ZC3H12C: variants seen among roughly 807,000 people sequenced by gnomAD.
ZC3H12C encodes the protein probable ribonuclease ZC3H12C.
A neutral mutation model predicts 76.3 loss-of-function variants in ZC3H12C; 20 were observed. The observed-to-expected ratio is 0.26, with a 90% CI of 0.18 to 0.38. The LOEUF is 0.38. Among genes scored for constraint, ZC3H12C ranks in the 10% least tolerant of loss-of-function variants. The probability of loss-of-function intolerance (pLI) is 1.00; values close to 1 mark genes in which losing one functional copy is unlikely to be tolerated. For synonymous variants in ZC3H12C, 352 were observed against 399.6 expected (o/e 0.88, Z 1.42); for missense variants, 874 against 1,086.5 (o/e 0.80, Z 2.75).
At chr11:110,098,391 TA>T (rs1430185110) in intron 1 of ZC3H12C, among the ~76,000 whole-genome samples, 2 of 152,142 alleles carry the variant, frequency 1.3e-5, no homozygotes. Flanking sequence ...AAAAAGTTTA[TA>T]AAGTAAAAAA....
chr11:110,155,668 TTTTA>T (rs1203675746), intron 3 of ZC3H12C, among the ~76,000 whole-genome samples: 1 of 152,174 alleles, frequency 6.6e-6, no homozygotes, highest in Non-Finnish European at 1.5e-5. Flanking sequence ...AAAAGGCAGA[TTTTA>T]TTTTTGTGTG....
At chr11:110,155,730 C>T (rs952096342) in intron 3 of ZC3H12C, among the ~76,000 whole-genome samples, 1 of 151,886 alleles carries the variant, frequency 6.6e-6, no homozygotes, top group Non-Finnish European at 1.5e-5. Flanking sequence ...ACACATATAT[C>T]AACAGTGGAA....
intron 4 of ZC3H12C, among the ~76,000 whole-genome samples, chr11:110,160,798 A>G (rs1862465661): frequency 6.6e-6 from 1 of 152,206 alleles, no homozygotes; most frequent in Non-Finnish European, 1.5e-5. Context: ...TATAGTAACT[A>G]TATAAACCAG....
At chr11:110,109,033 G>A (rs1018816676) in intron 1 of ZC3H12C, among the ~76,000 whole-genome samples, 24 of 152,224 alleles carry the variant, frequency 1.6e-4, no homozygotes, top group African/African-American at 3.9e-4. Flanking sequence ...TGAATATACC[G>A]TATAATTTCT....
At chr11:110,094,731 A>C (rs780451162) in intron 1 of ZC3H12C, among the ~76,000 whole-genome samples, 4 of 152,190 alleles carry the variant, frequency 2.6e-5, no homozygotes, top group African/African-American at 9.7e-5. Flanking sequence ...GAAGATGCCT[A>C]TTTCGGACTT....
At chr11:110,107,931 G>A (rs1349647158) in intron 1 of ZC3H12C, among the ~76,000 whole-genome samples, 1 of 152,096 alleles carries the variant, frequency 6.6e-6, no homozygotes, top group Non-Finnish European at 1.5e-5. Context: ...CTAAAGTGCT[G>A]GGATTACAGG....
At chr11:110,121,503 T>C (rs1861649808) in intron 1 of ZC3H12C, among the ~76,000 whole-genome samples, 2 of 152,218 alleles carry the variant, frequency 1.3e-5, no homozygotes, top group Non-Finnish European at 2.9e-5. Context: ...ATGCCTAAAA[T>C]CTTACATCAC....
chr11:110,153,174 A>G, intron 3 of ZC3H12C, 116 bp downstream of exon 3: 1 of 1,292,268 alleles, frequency 7.7e-7, no homozygotes, highest in Non-Finnish European at 1.0e-6. Context: ...GCAGTGGGAC[A>G]CAAACGTTGT....
rs755867631 is a variant in ZC3H12C, at chr11:110,152,957, A to C, written c.812A>C (p.Lys271Thr). ...NKEVFSCRGI[K>T]LAVDWFLERG... The stretch of plus-strand genomic sequence containing the variant: ...GAAGTATTTTCCTGCAGAGGAATAA[A>C]ATTGGCAGTGGATTGGTTTTTGGAA... Residue 271 changes from lysine to threonine, a missense_variant, in exon 3 of 6, where the codon AAA becomes ACA. By Grantham distance (78) the Lys-to-Thr change is moderately conservative. Transcript: ENST00000278590. 1.2e-6 allele frequency: 2 copies of C among 1,612,730 alleles called. No individual in the cohort carries two copies. The highest frequency in any genetic ancestry group is 2.2e-5 in the South Asian group (2 of 90,650).
rs541985220 is a variant in ZC3H12C at position 110,137,938 on chromosome 11, A to G, written c.773+524A>G. Among the ~76,000 whole-genome samples the G allele has an allele frequency of 1.8e-4, 27 of 151,700 alleles. No homozygotes were observed. In the East Asian group the frequency reaches 4.2e-3, roughly 24 times the overall value. ...AAATAATTCTTAAGGAACTGGGGGGAAAAAAAAGCAAAACTTTCAGTGATA... is the reference window on the plus strand; with the variant it reads ...AAATAATTCTTAAGGAACTGGGGGGGAAAAAAAGCAAAACTTTCAGTGATA... On this transcript the variant is annotated intron_variant, in intron 2 of 5. Transcript: ENST00000278590.
chr11:110,163,944 A>G (rs547784763), intron 5 of ZC3H12C, among the ~76,000 whole-genome samples: 2 of 152,022 alleles, frequency 1.3e-5, no homozygotes, highest in Non-Finnish European at 2.9e-5. Context: ...CTTAAAATAC[A>G]AAAAAATTCA....
rs1349783986 is a variant in ZC3H12C at position 110,170,384 on chromosome 11, C to A, written c.*4647C>A. On this transcript the variant is annotated 3_prime_UTR_variant, in exon 6 of 6. Transcript: ENST00000278590. ...ACATTTTGGCTGCATTTACCAGTTA[C>A]ATTTTTCCATTGGTTTTGGCTTCTA... 1 of 152,174 alleles carries A rather than the reference C, an allele frequency of 6.6e-6. No homozygotes were observed. The highest frequency in any genetic ancestry group is 6.6e-5 in the Admixed American group (1 of 15,266). The allele number at this position is 152,174 out of a possible 1,614,324, so 9.4% of individuals were successfully genotyped here.
At chr11:110,105,431 T>TATG (rs1431219695) in intron 1 of ZC3H12C, among the ~76,000 whole-genome samples, 1 of 152,172 alleles carries the variant, frequency 6.6e-6, no homozygotes, top group Non-Finnish European at 1.5e-5. Flanking sequence ...GGGCATAAAG[T>TATG]ATGTTAAATC....
chr11:110,163,968 C>T (rs1026487349), intron 5 of ZC3H12C, among the ~76,000 whole-genome samples: 38 of 151,952 alleles, frequency 2.5e-4, no homozygotes, highest in African/African-American at 8.9e-4. Context: ...GGCTTGGTAG[C>T]GCACGCCTGT....
intron 1 of ZC3H12C, among the ~76,000 whole-genome samples, chr11:110,123,408 G>A (rs1229191189): frequency 1.3e-5 from 2 of 152,184 alleles, no homozygotes; most frequent in African/African-American, 4.8e-5. Flanking sequence ...ATGAAGTCCT[G>A]GGATATGAGT....
chr11:110,165,774 G>T lies in ZC3H12C; in HGVS notation c.*37G>T. On this transcript the variant is annotated 3_prime_UTR_variant, in exon 6 of 6. Transcript: ENST00000278590. Reference sequence around the variant, plus strand: ...TCTTTGTGGTGTTTAGTAGTTTTTTGTTCAGCTCAAATGCTGAGGGAGGTT... The same window carrying T: ...TCTTTGTGGTGTTTAGTAGTTTTTTTTTCAGCTCAAATGCTGAGGGAGGTT... The T allele has an allele frequency of 6.5e-7, 1 of 1,527,908 alleles. No individual in the cohort carries two copies. Among genetic ancestry groups the T allele is most frequent in the Non-Finnish European group, 8.8e-7 (1 of 1,136,088 alleles). 94.6% of individuals were successfully genotyped at this position (1,527,908 alleles called of 1,614,324 possible). A position where few individuals can be genotyped will look rare whatever the true frequency, so the allele number is the denominator to read the frequency against.
In ZC3H12C at chr11:110,117,958, CAT is replaced by C. The variant is rs370179673; in HGVS notation, c.22-18699_22-18698del. On this transcript the variant is annotated intron_variant, in intron 1 of 5. Transcript: ENST00000278590. ...CATATATATATTATATATACACACA[CAT>C]ATATACACACACATATATATTATAT... 8.5e-5 allele frequency among the ~76,000 whole-genome samples: 7 copies of C among 82,756 alleles called. 2 individuals carry two copies. The highest frequency in any genetic ancestry group is 1.2e-4 in the Non-Finnish European group (5 of 41,604). The allele number at this position is 82,756 out of a possible 152,430, so 54.3% of individuals were successfully genotyped here.
intron 1 of ZC3H12C, among the ~76,000 whole-genome samples, chr11:110,100,237 GTCTC>G (rs1861189272): frequency 2.3e-5 from 3 of 127,758 alleles, no homozygotes; most frequent in South Asian, 2.5e-4. Flanking sequence ...TTGATACAGG[GTCTC>G]TCTATGTTGC....
rs1274046571 is a variant in ZC3H12C at position 110,164,991 on chromosome 11, A to G, written c.1906A>G (p.Ser636Gly). 6.2e-7 allele frequency: 1 copy of G among 1,614,008 alleles called. No homozygotes were observed. Among genetic ancestry groups the G allele is most frequent in the Non-Finnish European group, 8.5e-7 (1 of 1,179,880 alleles). Residue 636 changes from serine to glycine, a missense_variant, in exon 6 of 6, where the codon AGC becomes GGC. Ser to Gly is a moderately conservative substitution (Grantham distance 56). Around this residue, in one of 3 missense-constraint regions of ZC3H12C, gnomAD observed 395 missense variants for 434.4 expected, o/e 0.91. Coordinates refer to ENST00000278590, the MANE Select transcript of ZC3H12C (RefSeq NM_033390.2). The surrounding 1 kb of genome is among the most constrained non-coding windows in gnomAD (Gnocchi z 5.7). The stretch of plus-strand genomic sequence containing the variant: ...CAGTGAAGGGAGCATGAGCTGTGGG[A>G]GCAGTGACTCCTACGTGGGTTACAA... ...CSSEGSMSCG[S>G]SDSYVGYNDR...
Sources: allele counts gnomAD v4.1 joint callset (sites outside exome capture counted in the v4.1 genomes callset), GRCh38; gene constraint gnomAD v4.1.1; regional missense constraint gnomAD v4.1.1; non-coding constraint Gnocchi (gnomAD v3.1); transcripts MANE v1.5; gene names NCBI Gene and HGNC (gene_info 2026-07-23, HGNC 2026-07-21).